CABLES1: variants seen among roughly 807,000 people sequenced by gnomAD.
CABLES1 encodes the protein CDK5 and ABL1 enzyme substrate 1.
A neutral mutation model predicts 57.8 loss-of-function variants in CABLES1; 36 were observed. The ratio of observed to expected loss-of-function variants is 0.62; its 90% CI spans 0.48 to 0.82. The LOEUF (loss-of-function observed/expected upper bound fraction) is 0.82. Ranked by LOEUF, CABLES1 falls within the 40% of genes least tolerant of loss-of-function variation. The pLI is 0.00. For synonymous variants in CABLES1, 374 were observed against 363.0 expected (o/e 1.03, Z -0.35); for missense variants, 767 against 836.6 (o/e 0.92, Z 1.03).
At chr18:23,218,924 G>A (rs1370844818) in intron 4 of CABLES1, among the ~76,000 whole-genome samples, 4 of 152,210 alleles carry the variant, frequency 2.6e-5, no homozygotes, top group Non-Finnish European at 1.5e-5. Flanking sequence ...AATGGAGGGT[G>A]GGCAGGGAGG....
chr18:23,238,336 T>C (rs972053609), intron 7 of CABLES1, among the ~76,000 whole-genome samples: 2 of 152,252 alleles, frequency 1.3e-5, no homozygotes, highest in African/African-American at 2.4e-5. Flanking sequence ...TCAGCACTTA[T>C]CCTCTTGTTC....
chr18:23,249,904 C>T (rs191186543), intron 7 of CABLES1, among the ~76,000 whole-genome samples: 1 of 152,314 alleles, frequency 6.6e-6, no homozygotes, highest in Admixed American at 6.5e-5. Context: ...TGGAAGCAGC[C>T]ACTCTGGGAG....
Position 23,257,493 on chromosome 18 carries a change from G to A in CABLES1, c.*126G>A. ...ACTTTTCTTCCTCTCGACATAGTTT[G>A]GGGAGAAGCAGTACTAGAAACTTTC... is the stretch of plus-strand genomic sequence containing the variant. On this transcript the variant is annotated 3_prime_UTR_variant, in exon 10 of 10. Coordinates refer to ENST00000256925, the MANE Select transcript of CABLES1 (RefSeq NM_001100619.3). The A allele has an allele frequency of 8.9e-7, 1 of 1,123,868 alleles. No individual in the cohort carries two copies. Among genetic ancestry groups the A allele is most frequent in the Non-Finnish European group, 1.2e-6 (1 of 819,512 alleles). The allele number at this position is 1,123,868 out of a possible 1,614,324, so 69.6% of individuals were successfully genotyped here. A position where few individuals can be genotyped will look rare whatever the true frequency, so the allele number is the denominator to read the frequency against.
intron 4 of CABLES1, among the ~76,000 whole-genome samples, chr18:23,230,862 C>T (rs980572002): frequency 4.6e-5 from 7 of 152,128 alleles, no homozygotes; most frequent in Non-Finnish European, 7.4e-5. Flanking sequence ...TTTGGTTGCC[C>T]TAGCACTGCC....
At chr18:23,154,220 G>T (rs1221618662) in intron 1 of CABLES1, among the ~76,000 whole-genome samples, 1 of 152,200 alleles carries the variant, frequency 6.6e-6, no homozygotes, top group Non-Finnish European at 1.5e-5. Context: ...ATGTGAAGAA[G>T]ATGCCTTCTG....
chr18:23,172,971 A>AT (rs1277208492), intron 1 of CABLES1, among the ~76,000 whole-genome samples: 1 of 152,202 alleles, frequency 6.6e-6, no homozygotes, highest in Non-Finnish European at 1.5e-5. Flanking sequence ...CAGGCTTTTT[A>AT]AAAGGGAGCA....
At chr18:23,187,501 C>T (rs1452012432) in intron 1 of CABLES1, among the ~76,000 whole-genome samples, 1 of 152,226 alleles carries the variant, frequency 6.6e-6, no homozygotes, top group African/African-American at 2.4e-5. Flanking sequence ...ATTCTCCTGC[C>T]TCAGCCTCCC....
At chr18:23,194,345 A>T (rs1021068226) in intron 2 of CABLES1, 103 bp from the exon 3 acceptor site, 13 of 702,372 alleles carry the variant, frequency 1.9e-5, no homozygotes, top group African/African-American at 3.6e-5. Context: ...CTTTGGGGTG[A>T]CTCAAGCCAT....
At chr18:23,189,894 T>C (rs2047229305) in intron 2 of CABLES1, among the ~76,000 whole-genome samples, 1 of 152,100 alleles carries the variant, frequency 6.6e-6, no homozygotes, top group African/African-American at 2.4e-5. Flanking sequence ...GAGGGCAGAG[T>C]GAGCACAGAC....
intron 9 of CABLES1, among the ~76,000 whole-genome samples, chr18:23,254,893 C>T (rs901047422): frequency 1.3e-5 from 2 of 152,170 alleles, no homozygotes; most frequent in Non-Finnish European, 2.9e-5. Context: ...AAACATTCAG[C>T]CCATAACAAG....
intron 4 of CABLES1, 115 bp from the exon 5 acceptor site, chr18:23,234,493 G>C: frequency 1.3e-6 from 1 of 781,990 alleles, no homozygotes. Context: ...CCATCACCAG[G>C]GCTCACCTGG....
intron 1 of CABLES1, among the ~76,000 whole-genome samples, chr18:23,155,260 T>C (rs1439284343): frequency 6.6e-6 from 1 of 152,134 alleles, no homozygotes; most frequent in African/African-American, 2.4e-5. Flanking sequence ...AAAAAAAATA[T>C]TTACATAGGA....
At chr18:23,156,392 G>A (rs940735559) in intron 1 of CABLES1, among the ~76,000 whole-genome samples, 1 of 152,230 alleles carries the variant, frequency 6.6e-6, no homozygotes, top group Non-Finnish European at 1.5e-5. Context: ...TGGAGGCCCA[G>A]CGGGCACCAA....
chr18:23,152,076 G>A (rs950604568), intron 1 of CABLES1, among the ~76,000 whole-genome samples: 1 of 152,132 alleles, frequency 6.6e-6, no homozygotes, highest in Non-Finnish European at 1.5e-5. Context: ...TGAGACAGGA[G>A]TATTAGCTTG....
At chr18:23,144,771 C>T (rs1342491043) in intron 1 of CABLES1, among the ~76,000 whole-genome samples, 1 of 152,066 alleles carries the variant, frequency 6.6e-6, no homozygotes, top group Non-Finnish European at 1.5e-5. Context: ...TTATTGGAGA[C>T]GACTGAGGAA....
intron 1 of CABLES1, among the ~76,000 whole-genome samples, chr18:23,162,765 G>A (rs992208049): frequency 3.3e-5 from 5 of 152,178 alleles, no homozygotes; most frequent in African/African-American, 7.2e-5. Flanking sequence ...AGGTAACTGC[G>A]ACGTGTTCCA....
chr18:23,187,302 G>GA (rs2047209634), intron 1 of CABLES1, among the ~76,000 whole-genome samples: 3 of 152,236 alleles, frequency 2.0e-5, no homozygotes, highest in Non-Finnish European at 4.4e-5. Context: ...CGATGTGTGT[G>GA]CTTGGTTCAC....
At chr18:23,168,207 G>A (rs1265730216) in intron 1 of CABLES1, among the ~76,000 whole-genome samples, 5 of 152,232 alleles carry the variant, frequency 3.3e-5, no homozygotes, top group African/African-American at 9.6e-5. Context: ...GGTGGGAGCA[G>A]TCTAAAGTAT....
intron 1 of CABLES1, among the ~76,000 whole-genome samples, chr18:23,168,162 C>T (rs954278618): frequency 6.6e-6 from 1 of 152,206 alleles, no homozygotes; most frequent in African/African-American, 2.4e-5. Context: ...TTTGCACACC[C>T]ATGTTCATGG....
Sources: gnomAD v4.1 joint callset for allele counts (sites outside exome capture counted in the v4.1 genomes callset) on GRCh38, gnomAD v4.1.1 for gene constraint, MANE v1.5 for transcripts, NCBI Gene and HGNC (gene_info 2026-07-23, HGNC 2026-07-21) for gene names.